Variants in ZFPM2 observed in about 807,000 individuals in gnomAD.
The protein encoded by ZFPM2 is zinc finger protein ZFPM2.
Under a neutral mutation model 98.6 loss-of-function variants are expected in ZFPM2, and 20 were observed. The ratio of observed to expected loss-of-function variants is 0.20; its 90% CI spans 0.14 to 0.29. The LOEUF is 0.29. Among genes scored for constraint, ZFPM2 ranks in the 10% least tolerant of loss-of-function variants. The probability of loss-of-function intolerance (pLI) is 1.00; values close to 1 mark genes in which losing one functional copy is unlikely to be tolerated. For missense variants in ZFPM2, 1,310 were observed against 1,388.6 expected, an observed-to-expected ratio of 0.94 and a Z score of 0.90; for synonymous variants, 518 against 502.7, an observed-to-expected ratio of 1.03 and a Z score of -0.41.
chr8:105,626,549 TGGG>T (rs938571652), intron 4 of ZFPM2, among the ~76,000 whole-genome samples: 1 of 151,932 alleles, frequency 6.6e-6, no homozygotes, highest in African/African-American at 2.4e-5. Context: ...ATAATGGAGT[TGGG>T]GGGTTGGCAG....
At chr8:105,493,804 G>A (rs1813403361) in intron 3 of ZFPM2, among the ~76,000 whole-genome samples, 1 of 151,972 alleles carries the variant, frequency 6.6e-6, no homozygotes, top group Admixed American at 6.6e-5. Flanking sequence ...TTCTGTTACA[G>A]CAAGCCTTAT....
intron 1 of ZFPM2, among the ~76,000 whole-genome samples, chr8:105,332,087 T>A (rs890444659): frequency 2.0e-5 from 3 of 151,732 alleles, no homozygotes; most frequent in African/African-American, 7.2e-5. Flanking sequence ...TGGGTCTTTG[T>A]TCTGTTCCGT....
intron 5 of ZFPM2, among the ~76,000 whole-genome samples, chr8:105,768,114 C>G (rs76202604): frequency 1.3e-5 from 2 of 150,824 alleles, no homozygotes; most frequent in Non-Finnish European, 2.9e-5. Context: ...CTCTTTCTCT[C>G]TCTCTCTCTC....
chr8:105,429,209 C>T (rs1015454454), intron 2 of ZFPM2, among the ~76,000 whole-genome samples: 16 of 151,982 alleles, frequency 1.1e-4, no homozygotes, highest in Admixed American at 2.6e-4. Flanking sequence ...TTAGGTCTTA[C>T]GTAAACTGTA....
intron 3 of ZFPM2, among the ~76,000 whole-genome samples, chr8:105,529,663 C>T (rs2130577513): frequency 6.6e-6 from 1 of 151,672 alleles, no homozygotes. Flanking sequence ...AGAAATCATC[C>T]ACCAAATAAA....
chr8:105,693,207 A>C (rs1361596040), intron 5 of ZFPM2, among the ~76,000 whole-genome samples: 1 of 152,236 alleles, frequency 6.6e-6, no homozygotes, highest in Non-Finnish European at 1.5e-5. Context: ...CATGGAGAGA[A>C]CCAGTGATTC....
At chr8:105,625,614 C>G (rs1278395389) in intron 4 of ZFPM2, among the ~76,000 whole-genome samples, 2 of 150,134 alleles carry the variant, frequency 1.3e-5, no homozygotes, top group Non-Finnish European at 3.0e-5. Context: ...GACTTTCACT[C>G]TTATACCCCA....
intron 4 of ZFPM2, among the ~76,000 whole-genome samples, chr8:105,624,888 G>A (rs1384977262): frequency 6.6e-6 from 1 of 152,138 alleles, no homozygotes; most frequent in Non-Finnish European, 1.5e-5. Flanking sequence ...TAATAGCCAA[G>A]AATTCTATCA....
chr8:105,360,036 C>T (rs146455233), intron 1 of ZFPM2, among the ~76,000 whole-genome samples: 151 of 152,218 alleles, frequency 9.9e-4, no homozygotes, highest in African/African-American at 3.6e-3. Flanking sequence ...CTTATTCTGG[C>T]CCTATTTTGG....
At chr8:105,598,838 A>C (rs189046384) in intron 4 of ZFPM2, among the ~76,000 whole-genome samples, 223 of 148,916 alleles carry the variant, frequency 1.5e-3, no homozygotes, top group Non-Finnish European at 2.9e-3. Context: ...TACTACATAC[A>C]AAAAAAACTT....
At chr8:105,641,937 G>A (rs1173961808) in intron 5 of ZFPM2, among the ~76,000 whole-genome samples, 1 of 151,962 alleles carries the variant, frequency 6.6e-6, no homozygotes, top group Non-Finnish European at 1.5e-5. Flanking sequence ...TCTCTTAACG[G>A]TAGAAACCCA....
rs71522746 is a variant in ZFPM2 at position 105,575,074 on chromosome 8, A to T, written c.420+13593A>T. Among the ~76,000 whole-genome samples the T allele has an allele frequency of 5.9e-3, 901 of 152,292 alleles. 7 individuals are homozygous for T. The highest frequency in any genetic ancestry group is 9.5e-3 in the Non-Finnish European group (647 of 68,022). On this transcript the variant is annotated intron_variant, in intron 4 of 7. Transcript: ENST00000407775. Reference sequence around the variant, plus strand: ...TGGTGCATTTCTTCAAAACTTTGTGAAAATGACAACTCTTCAAAGGAGGCA... The same window carrying T: ...TGGTGCATTTCTTCAAAACTTTGTGTAAATGACAACTCTTCAAAGGAGGCA...
At chr8:105,722,304 T>C (rs1288252194) in intron 5 of ZFPM2, among the ~76,000 whole-genome samples, 1 of 151,876 alleles carries the variant, frequency 6.6e-6, no homozygotes, top group Admixed American at 6.6e-5. Context: ...TGTTGGACCA[T>C]GGGAGATTCT....
chr8:105,370,434 C>T lies in ZFPM2; in HGVS notation c.41-48710C>T, dbSNP rs140438610. On this transcript the variant is annotated intron_variant, in intron 1 of 7. Coordinates refer to ENST00000407775, the MANE Select transcript of ZFPM2 (RefSeq NM_012082.4). ...TGTTTAGTTAATCATCCTTTAGAGA[C>T]GTTGTAAAGGGAAAAACATTGAATG... is the stretch of plus-strand genomic sequence containing the variant. Among the ~76,000 whole-genome samples the T allele has an allele frequency of 2.1e-4, 32 of 152,218 alleles. 1 individual carries two copies. In the East Asian group the frequency reaches 5.8e-3, roughly 28 times the overall value.
At chr8:105,375,699 TATCATTTATCAGTGTCTTTAA>T (rs1810712672) in intron 1 of ZFPM2, among the ~76,000 whole-genome samples, 1 of 152,170 alleles carries the variant, frequency 6.6e-6, no homozygotes, top group African/African-American at 2.4e-5. Context: ...TATTTTCTTA[TATCATTTATCAGTGTCTTTAA>T]TGTAGACAAA....
chr8:105,792,081 C>CTAT (rs913763645), intron 6 of ZFPM2, among the ~76,000 whole-genome samples: 2 of 152,088 alleles, frequency 1.3e-5, no homozygotes, highest in African/African-American at 2.4e-5. Flanking sequence ...TTTTGTGTCT[C>CTAT]TATTTCCTTC....
chr8:105,395,991 C>T (rs911130283), intron 1 of ZFPM2, among the ~76,000 whole-genome samples: 2 of 152,150 alleles, frequency 1.3e-5, no homozygotes, highest in African/African-American at 2.4e-5. Flanking sequence ...TTTTGAGCTC[C>T]GTACCTTCAA....
intron 3 of ZFPM2, among the ~76,000 whole-genome samples, chr8:105,523,848 A>G (rs1441284228): frequency 1.3e-5 from 2 of 152,128 alleles, no homozygotes; most frequent in Non-Finnish European, 1.5e-5. Context: ...ACTGAGAGTA[A>G]TGATGTTCAG....
chr8:105,400,422 C>T (rs1811316749), intron 1 of ZFPM2, among the ~76,000 whole-genome samples: 1 of 152,010 alleles, frequency 6.6e-6, no homozygotes, highest in African/African-American at 2.4e-5. Context: ...ACTCCCCCTA[C>T]CCCACAACAG....
Sources: allele counts gnomAD v4.1 joint callset (sites outside exome capture counted in the v4.1 genomes callset), GRCh38; gene constraint gnomAD v4.1.1; transcripts MANE v1.5; gene names NCBI Gene and HGNC (gene_info 2026-07-23, HGNC 2026-07-21).